The following ANGPTL7 variants were observed in gnomAD, a reference collection of about 807,000 sequenced individuals.
ANGPTL7 encodes angiopoietin like 7, also known as angiopoietin-related protein 7.
ANGPTL7 carries 37 observed loss-of-function variants against 38.8 expected under a neutral mutation model. The observed-to-expected ratio is 0.95, with a 90% CI of 0.73 to 1.25. ANGPTL7 has a LOEUF of 1.25. Ranked by LOEUF, ANGPTL7 falls within the 50% of genes most tolerant of loss-of-function variation. The pLI, the probability that ANGPTL7 is intolerant of heterozygous loss-of-function variation, is 0.00. For missense variants in ANGPTL7, 427 were observed against 438.6 expected, an observed-to-expected ratio of 0.97 and a Z score of 0.24; for synonymous variants, 166 against 163.2, an observed-to-expected ratio of 1.02 and a Z score of -0.13.
intron 3 of ANGPTL7, among the ~76,000 whole-genome samples, chr1:11,194,210 A>G (rs1300195682): frequency 6.6e-6 from 1 of 152,198 alleles, no homozygotes; most frequent in Admixed American, 6.5e-5. Context: ...GCACCTTATA[A>G]GCAGGAAAGT....
In ANGPTL7 at chr1:11,194,442, G is replaced by GC; in HGVS notation, c.673-18dup. ...TGGAGCCTGCTGCACTTTCTTTAAG[G>GC]CTCTGCTCCTCCTGACAGGACTGGG... On this transcript the variant is annotated intron_variant, in intron 3 of 4. Transcript: ENST00000376819. 1 of 1,612,914 alleles carries GC rather than the reference G, an allele frequency of 6.2e-7. No homozygotes were observed. Among genetic ancestry groups the GC allele is most frequent in the Non-Finnish European group, 8.5e-7 (1 of 1,179,684 alleles).
Position 11,193,680 on chromosome 1 carries a change from A to G in ANGPTL7, c.578A>G (p.Gln193Arg). Reference sequence around the variant, plus strand: ...TACCGGGACTGGAAGCAGTACAAGCAGGGCTTTGGCAGCATCCGTGGGGAC... The same window carrying G: ...TACCGGGACTGGAAGCAGTACAAGCGGGGCTTTGGCAGCATCCGTGGGGAC... ...SFYRDWKQYK[Q>R]GFGSIRGDFW... The change falls in exon 3 of 5, where the codon CAG becomes CGG. Residue 193 changes from glutamine (Q) to arginine (R), a missense_variant. Physicochemically the swap from Gln to Arg is conservative, Grantham distance 43 (BLOSUM62 1). Transcript: ENST00000376819. 6.2e-7 allele frequency: 1 copy of G among 1,614,150 alleles called. No individual in the cohort carries two copies. Among genetic ancestry groups the G allele is most frequent in the Non-Finnish European group, 8.5e-7 (1 of 1,180,014 alleles).
chr1:11,195,197 T>A lies in ANGPTL7; in HGVS notation c.*174T>A. On this transcript the variant is annotated 3_prime_UTR_variant, in exon 5 of 5. Transcript: ENST00000376819. ...AAAAAAATCATATGTACCAAGGATG[T>A]TACAGTAAACAGGATGAACTATTTA... is the stretch of plus-strand genomic sequence containing the variant. 4.1e-6 allele frequency: 3 copies of A among 723,826 alleles called. No individual in the cohort carries two copies. Among genetic ancestry groups the A allele is most frequent in the Non-Finnish European group, 6.7e-6 (3 of 449,570 alleles). 44.8% of individuals were successfully genotyped at this position (723,826 alleles called of 1,614,324 possible).
intron 1 of ANGPTL7, 116 bp from the exon 2 acceptor site, chr1:11,192,154 G>T: frequency 1.3e-6 from 1 of 777,506 alleles, no homozygotes; most frequent in South Asian, 1.6e-5. Flanking sequence ...AGACACTGAT[G>T]GGTAATTAAC....
intron 3 of ANGPTL7, among the ~76,000 whole-genome samples, chr1:11,194,144 A>T (rs1029204117): frequency 1.3e-5 from 2 of 152,188 alleles, no homozygotes; most frequent in Admixed American, 1.3e-4. Context: ...AGCACTCACT[A>T]TATCCTCATG....
chr1:11,193,411 C>T (rs113931487), intron 2 of ANGPTL7, among the ~76,000 whole-genome samples, 169 bp from the exon 3 acceptor site: 3 of 152,338 alleles, frequency 2.0e-5, no homozygotes, highest in African/African-American at 7.2e-5. Context: ...ACCACCCACC[C>T]CAGCTCACCA....
intron 3 of ANGPTL7, 86 bp from the exon 4 acceptor site, chr1:11,194,375 A>G (rs768815290): frequency 5.6e-6 from 7 of 1,256,442 alleles, no homozygotes; most frequent in Non-Finnish European, 8.1e-6. Flanking sequence ...ATGTTTGGCT[A>G]TGGGACTGTC....
chr1:11,194,832 C>T (rs538527703), intron 4 of ANGPTL7, 22 bp from the exon 5 acceptor site: 2 of 1,613,194 alleles, frequency 1.2e-6, no homozygotes, highest in African/African-American at 2.7e-5. Flanking sequence ...CTTACTAGCA[C>T]TGGGTCTGTT....
Position 11,195,133 on chromosome 1 carries a change from C to G in ANGPTL7, c.*110C>G. 1 of 1,147,834 alleles carries G rather than the reference C, an allele frequency of 8.7e-7. No individual in the cohort carries two copies. The highest frequency in any genetic ancestry group is 1.6e-5 in the South Asian group (1 of 62,152). 71.1% of individuals were successfully genotyped at this position (1,147,834 alleles called of 1,614,324 possible). On this transcript the variant is annotated 3_prime_UTR_variant, in exon 5 of 5. Coordinates refer to ENST00000376819, the MANE Select transcript of ANGPTL7 (RefSeq NM_021146.4). ...AGAAAGGGTAGGACTGAGAAACAGC[C>G]TATAATCTCCAAAGAAAGAATAAGT...
rs1354676314 is a variant in ANGPTL7, at chr1:11,195,812, C to T, written c.*789C>T. On this transcript the variant is annotated 3_prime_UTR_variant, in exon 5 of 5. Coordinates refer to ENST00000376819, the MANE Select transcript of ANGPTL7 (RefSeq NM_021146.4). Reference sequence around the variant, plus strand: ...GTAAGAAACAAGCTCAAGGAGCTTCCTTTTAAATTTTGTCTGTAGGAAATG... The same window carrying T: ...GTAAGAAACAAGCTCAAGGAGCTTCTTTTTAAATTTTGTCTGTAGGAAATG... The T allele has an allele frequency of 1.3e-5, 2 of 152,422 alleles. No individual in the cohort carries two copies. The highest frequency in any genetic ancestry group is 2.9e-5 in the Non-Finnish European group (2 of 68,036). 9.4% of individuals were successfully genotyped at this position (152,422 alleles called of 1,614,324 possible). A position where few individuals can be genotyped will look rare whatever the true frequency, so the allele number is the denominator to read the frequency against.
rs1347396563 is a variant in ANGPTL7 at position 11,189,902 on chromosome 1, A to G, written c.323A>G (p.Gln108Arg). Residue 108 changes from glutamine to arginine, a missense_variant, in exon 1 of 5, where the codon CAA becomes CGA. Coordinates refer to ENST00000376819, the MANE Select transcript of ANGPTL7 (RefSeq NM_021146.4). ...AESKYSEMNN[Q>R]IDIMQLQAAQ... ...AGCAAGTACTCCGAGATGAACAACC[A>G]AATTGACATCATGCAGCTGCAGGCA... 2 of 1,613,996 alleles carry G rather than the reference A, an allele frequency of 1.2e-6. No individual in the cohort carries two copies. Among genetic ancestry groups the G allele is most frequent in the Non-Finnish European group, 1.7e-6 (2 of 1,180,014 alleles).
Position 11,193,646 on chromosome 1 carries a change from G to A in ANGPTL7, c.544G>A (p.Val182Ile). 6.2e-7 allele frequency: 1 copy of A among 1,613,798 alleles called. No individual in the cohort carries two copies. ...CATCCAGAGACGAAAAAGTGGCCTT[G>A]TCTCCTTCTACCGGGACTGGAAGCA... ...TIIQRRKSGL[V>I]SFYRDWKQYK... Residue 182 changes from valine (V) to isoleucine (I), a missense_variant, in exon 3 of 5, where the codon GTC (valine) becomes ATC (isoleucine). Transcript: ENST00000376819.
chr1:11,192,448 T>G, intron 2 of ANGPTL7, 78 bp downstream of exon 2: 6 of 1,256,206 alleles, frequency 4.8e-6, no homozygotes, highest in Non-Finnish European at 6.9e-6. Flanking sequence ...AACAGGGCCA[T>G]TCACAGTTTA....
chr1:11,189,405 C>T lies in ANGPTL7; in HGVS notation c.-175C>T. On this transcript the variant is annotated 5_prime_UTR_variant, in exon 1 of 5. Coordinates refer to ENST00000376819, the MANE Select transcript of ANGPTL7 (RefSeq NM_021146.4). The stretch of plus-strand genomic sequence containing the variant: ...ACCCATTCAGCTCCCCTGTCAGAGA[C>T]TCAAGCTTTGAGAAAGGCTAGCAAA... 1 of 805,432 alleles carries T rather than the reference C, an allele frequency of 1.2e-6. No individual in the cohort carries two copies. The highest frequency in any genetic ancestry group is 2.0e-6 in the Non-Finnish European group (1 of 510,338). 49.9% of individuals were successfully genotyped at this position (805,432 alleles called of 1,614,324 possible).
chr1:11,195,028 A>G lies in ANGPTL7; in HGVS notation c.*5A>G. On this transcript the variant is annotated 3_prime_UTR_variant, in exon 5 of 5. Transcript: ENST00000376819. ...CCAGAAGACTTCAAGCCTTAAAAGG[A>G]GGCTGCCGTGGAGCACGGATACAGA... 2 of 1,613,082 alleles carry G rather than the reference A, an allele frequency of 1.2e-6. No homozygotes were observed. The highest frequency in any genetic ancestry group is 1.7e-6 in the Non-Finnish European group (2 of 1,179,862).
chr1:11,189,977 G>A, intron 1 of ANGPTL7, 22 bp downstream of exon 1: 1 of 1,584,182 alleles, frequency 6.3e-7, no homozygotes, highest in South Asian at 1.2e-5. Flanking sequence ...AGTCCCCTGA[G>A]GGAGCGTGGA....
Position 11,195,093 on chromosome 1 carries a change from C to T in ANGPTL7, c.*70C>T. The T allele has an allele frequency of 4.0e-6, 6 of 1,509,820 alleles. No individual in the cohort carries two copies. The highest frequency in any genetic ancestry group is 5.4e-6 in the Non-Finnish European group (6 of 1,103,618). The allele number at this position is 1,509,820 out of a possible 1,614,324, so 93.5% of individuals were successfully genotyped here. ...GAGACTGGATGAGGGCAGATGAGGA[C>T]AGGAAGAGAGTGTTAGAAAGGGTAG... On this transcript the variant is annotated 3_prime_UTR_variant, in exon 5 of 5. Transcript: ENST00000376819.
rs369559943 is a variant in ANGPTL7, at chr1:11,193,542, C to T, written c.478-38C>T. Reference sequence around the variant, plus strand: ...TGCCCTCTTGCTCCTGCCTTCTGCCCCTGCAAGTCCCTCACCAGAGTATCC... The same window carrying T: ...TGCCCTCTTGCTCCTGCCTTCTGCCTCTGCAAGTCCCTCACCAGAGTATCC... On this transcript the variant is annotated intron_variant, in intron 2 of 4. Transcript: ENST00000376819. The T allele has an allele frequency of 1.4e-5, 21 of 1,539,586 alleles. 1 individual carries two copies. The highest frequency in any genetic ancestry group is 1.2e-4 in the African/African-American group (9 of 72,806).
At chr1:11,194,775 G>A (rs1382857911) in intron 4 of ANGPTL7, 79 bp from the exon 5 acceptor site, 10 of 1,597,816 alleles carry the variant, frequency 6.3e-6, no homozygotes, top group Non-Finnish European at 8.6e-6. Flanking sequence ...TATTCTTTCT[G>A]ACCCTGGCTC....
Sources: gnomAD v4.1 joint callset for allele counts (sites outside exome capture counted in the v4.1 genomes callset) on GRCh38, gnomAD v4.1.1 for gene constraint, MANE v1.5 for transcripts, NCBI Gene and HGNC (gene_info 2026-07-23, HGNC 2026-07-21) for gene names.